The following AGBL4 variants were observed in gnomAD, a reference collection of about 807,000 sequenced individuals.
AGBL4 encodes cytosolic carboxypeptidase 6.
A neutral mutation model predicts 66.4 loss-of-function variants in AGBL4; 58 were observed. That is an observed-to-expected ratio of 0.87 (90% CI 0.71 to 1.09). The LOEUF (loss-of-function observed/expected upper bound fraction) is 1.09, where lower values mean the gene tolerates loss of function less well. AGBL4 is among the 50% of genes least tolerant of loss of function. The pLI is 0.00. For synonymous variants in AGBL4, 234 were observed against 222.9 expected (o/e 1.05, Z -0.44); for missense variants, 579 against 631.0 (o/e 0.92, Z 0.88).
intron 3 of AGBL4, among the ~76,000 whole-genome samples, chr1:49,347,284 C>G (rs1374916495): frequency 7.4e-6 from 1 of 135,022 alleles, no homozygotes. Context: ...TGGAGTCTTG[C>G]TCTGTCACCC....
intron 6 of AGBL4, among the ~76,000 whole-genome samples, chr1:48,704,764 G>C (rs2148510425): frequency 6.6e-6 from 1 of 152,276 alleles, no homozygotes; most frequent in African/African-American, 2.4e-5. Context: ...ACCTCCTGAA[G>C]GACCTGCCTG....
In AGBL4 at chr1:49,554,558, T is replaced by C. The variant is rs149996786; in HGVS notation, c.282+142755A>G. The stretch of plus-strand genomic sequence containing the variant: ...AGACACTCCAGATACCAAGTGTTTT[T>C]AATAACAATGTATTTTTAAGAAAAC... On this transcript the variant is annotated intron_variant, in intron 3 of 13. Coordinates refer to ENST00000371839, the MANE Select transcript of AGBL4 (RefSeq NM_032785.4). 3.8e-3 allele frequency among the ~76,000 whole-genome samples: 586 copies of C among 152,358 alleles called. 3 individuals carry two copies. Among genetic ancestry groups the C allele is most frequent in the Middle Eastern group, 0.01 (3 of 294 alleles).
chr1:49,768,258 T>A (rs773427006), intron 2 of AGBL4, among the ~76,000 whole-genome samples: 1 of 151,966 alleles, frequency 6.6e-6, no homozygotes, highest in South Asian at 2.1e-4. Context: ...ATGATGAACA[T>A]AGACACAAAA....
At chr1:49,639,986 A>C (rs1443654766) in intron 3 of AGBL4, among the ~76,000 whole-genome samples, 1 of 152,136 alleles carries the variant, frequency 6.6e-6, no homozygotes, top group Non-Finnish European at 1.5e-5. Context: ...TGACTGAAGA[A>C]TGAAGTCCAT....
intron 2 of AGBL4, among the ~76,000 whole-genome samples, chr1:49,831,523 G>T (rs149425070): frequency 6.6e-6 from 1 of 152,120 alleles, no homozygotes; most frequent in Non-Finnish European, 1.5e-5. Context: ...ACACAATGGG[G>T]TTTTCTAAAT....
At chr1:49,492,493 C>G (rs1282324867) in intron 3 of AGBL4, among the ~76,000 whole-genome samples, 1 of 152,006 alleles carries the variant, frequency 6.6e-6, no homozygotes. Flanking sequence ...GGGGGGACTA[C>G]TGTATTGCTT....
chr1:48,789,936 A>T (rs1645506498), intron 6 of AGBL4, among the ~76,000 whole-genome samples: 1 of 152,192 alleles, frequency 6.6e-6, no homozygotes, highest in South Asian at 2.1e-4. Flanking sequence ...GCAGACCTGA[A>T]CTGCATAAAC....
At chr1:49,117,523 T>A (rs952997574) in intron 4 of AGBL4, among the ~76,000 whole-genome samples, 3 of 152,162 alleles carry the variant, frequency 2.0e-5, no homozygotes, top group African/African-American at 7.2e-5. Context: ...AAAGATCAGA[T>A]GGTTGTAGAT....
intron 3 of AGBL4, among the ~76,000 whole-genome samples, chr1:49,598,761 A>C (rs1253380983): frequency 6.6e-6 from 1 of 152,058 alleles, no homozygotes; most frequent in African/African-American, 2.4e-5. Flanking sequence ...TCAGACAGGG[A>C]CATTTAAGTC....
At position 48,807,715 on chromosome 1, in the gene AGBL4, T is replaced by C. The variant is rs528911493; in HGVS notation, c.634+59476A>G. On this transcript the variant is annotated intron_variant, in intron 6 of 13. Transcript: ENST00000371839. ...CTTTTGAATGTTCCCCATGCAGATG[T>C]GCAGGATTCTTGCACACATCTGCAT... 2.6e-5 allele frequency among the ~76,000 whole-genome samples: 4 copies of C among 152,296 alleles called. No individual in the cohort carries two copies. In the South Asian group the frequency reaches 8.3e-4, roughly 32 times the overall value.
chr1:49,795,767 G>A lies in AGBL4; in HGVS notation c.157+55629C>T, dbSNP rs544137315. On this transcript the variant is annotated intron_variant, in intron 2 of 13. Coordinates refer to ENST00000371839, the MANE Select transcript of AGBL4 (RefSeq NM_032785.4). ...CAGCTATTCAGAAAAATTTAAGTTA[G>A]TACTTCAGTTTACAACATATACCAA... is the stretch of plus-strand genomic sequence containing the variant. Among the ~76,000 whole-genome samples, 4 of 151,956 alleles carry A rather than the reference G, an allele frequency of 2.6e-5. No homozygotes were observed. In the South Asian group the frequency reaches 8.3e-4, roughly 32 times the overall value.
chr1:49,385,360 T>C (rs1644715526), intron 3 of AGBL4, among the ~76,000 whole-genome samples: 1 of 151,994 alleles, frequency 6.6e-6, no homozygotes, highest in African/African-American at 2.4e-5. Context: ...AAAGACTACA[T>C]TCTTGTGTTC....
intron 6 of AGBL4, among the ~76,000 whole-genome samples, chr1:48,827,062 T>G (rs1194856433): frequency 6.6e-6 from 1 of 152,246 alleles, no homozygotes; most frequent in Non-Finnish European, 1.5e-5. Flanking sequence ...TTCAAGATTC[T>G]GGACAAATGC....
Position 49,752,911 on chromosome 1 carries a change from C to T in AGBL4, c.158-55474G>A, listed in dbSNP as rs116979672. ...TGCAACCCCTGCTTTTCTGGCTTTC[C>T]ATTTGCTTGGTAAATCTTCCCACAT... On this transcript the variant is annotated intron_variant, in intron 2 of 13. Transcript: ENST00000371839. Among the ~76,000 whole-genome samples, 78 of 152,248 alleles carry T rather than the reference C, an allele frequency of 5.1e-4. No individual in the cohort carries two copies. In the East Asian group the frequency reaches 0.015, roughly 29 times the overall value.
At chr1:49,088,471 A>C (rs1186810604) in intron 4 of AGBL4, among the ~76,000 whole-genome samples, 1 of 152,202 alleles carries the variant, frequency 6.6e-6, no homozygotes, top group Admixed American at 6.5e-5. Flanking sequence ...AAAAGAAAGG[A>C]TTTTAAACCA....
At chr1:49,072,208 G>C (rs1348678783) in intron 4 of AGBL4, among the ~76,000 whole-genome samples, 3 of 152,140 alleles carry the variant, frequency 2.0e-5, no homozygotes, top group African/African-American at 4.8e-5. Flanking sequence ...ATTTGCCAGT[G>C]TGTGTCTTTT....
chr1:50,022,218 C>T (rs1462590592), intron 1 of AGBL4, among the ~76,000 whole-genome samples: 1 of 152,036 alleles, frequency 6.6e-6, no homozygotes, highest in Admixed American at 6.6e-5. Context: ...CCTTGTAGAG[C>T]TTACATTGTA....
At chr1:49,407,164 G>T (rs1645222323) in intron 3 of AGBL4, among the ~76,000 whole-genome samples, 1 of 151,280 alleles carries the variant, frequency 6.6e-6, no homozygotes, top group African/African-American at 2.4e-5. Flanking sequence ...GGTATTTTTG[G>T]ATAAGATTGA....
At chr1:49,788,034 G>C (rs3903648) in intron 2 of AGBL4, among the ~76,000 whole-genome samples, 12 of 152,056 alleles carry the variant, frequency 7.9e-5, no homozygotes, top group Admixed American at 1.3e-4. Context: ...GACATTCAAG[G>C]AGCCAGGCAA....
Sources: gnomAD v4.1 joint callset for allele counts (sites outside exome capture counted in the v4.1 genomes callset) on GRCh38, gnomAD v4.1.1 for gene constraint, MANE v1.5 for transcripts, NCBI Gene and HGNC (gene_info 2026-07-23, HGNC 2026-07-21) for gene names.